LYZL1: variants seen among roughly 807,000 people sequenced by gnomAD.
The protein encoded by LYZL1 is lysozyme like 1.
LYZL1 carries 16 observed loss-of-function variants against 17.9 expected under a neutral mutation model. The observed-to-expected ratio is 0.90, with a 90% CI of 0.61 to 1.36. The LOEUF is 1.36. Among genes scored for constraint, LYZL1 ranks in the 40% most tolerant of loss-of-function variants. LYZL1 has a pLI of 0.00. For synonymous variants in LYZL1, 58 were observed against 71.8 expected (o/e 0.81, Z 0.97); for missense variants, 149 against 188.4 (o/e 0.79, Z 1.22).
intron 2 of LYZL1, 31 bp downstream of exon 2, chr10:29,292,037 G>A: frequency 7.3e-7 from 1 of 1,371,422 alleles, no homozygotes; most frequent in South Asian, 1.2e-5. Context: ...CTCTCCTTCT[G>A]TCCTTGACCT....
chr10:29,306,505 C>T (rs10826608), intron 3 of LYZL1, among the ~76,000 whole-genome samples: 1 of 128,772 alleles, frequency 7.8e-6, no homozygotes, highest in African/African-American at 3.0e-5. Flanking sequence ...AGCCGAGATC[C>T]CGCCACTGCA....
intron 3 of LYZL1, among the ~76,000 whole-genome samples, chr10:29,303,238 A>G (rs1208077033): frequency 6.6e-6 from 1 of 152,008 alleles, no homozygotes; most frequent in Non-Finnish European, 1.5e-5. Flanking sequence ...TCTCCACAAA[A>G]TCTGAGCTGC....
At position 29,304,250 on chromosome 10, in the gene LYZL1, T is replaced by A. The variant is rs540192335; in HGVS notation, c.299-5860T>A. On this transcript the variant is annotated intron_variant, in intron 3 of 4. Coordinates refer to ENST00000649382, the MANE Select transcript of LYZL1 (RefSeq NM_032517.6). ...TACACACAGTGTACAAAATGCCTGA[T>A]GTGATGACAGTATTTACCCCCAACA... 2.0e-5 allele frequency among the ~76,000 whole-genome samples: 3 copies of A among 152,334 alleles called. No homozygotes were observed. In the East Asian group the frequency reaches 5.8e-4, roughly 29 times the overall value.
chr10:29,299,115 G>A (rs117489462), intron 3 of LYZL1, among the ~76,000 whole-genome samples: 6,921 of 152,162 alleles, frequency 0.045, 159 homozygotes, highest in Middle Eastern at 0.12. Context: ...AATAGGGTTC[G>A]CACTCCTATG....
intron 3 of LYZL1, among the ~76,000 whole-genome samples, chr10:29,296,618 A>T (rs1186523026): frequency 6.6e-6 from 1 of 152,188 alleles, no homozygotes. Flanking sequence ...CAGACCACAG[A>T]CATGGGAGAT....
downstream of LYZL1, chr10:29,311,273 A>G (rs1406520871): frequency 9.3e-6 from 13 of 1,394,774 alleles, no homozygotes; most frequent in Admixed American, 5.9e-5. Context: ...TGGTGTTAAG[A>G]CTTGAAAAAT....
chr10:29,291,306 G>T (rs563622112), intron 1 of LYZL1, among the ~76,000 whole-genome samples: 1 of 152,236 alleles, frequency 6.6e-6, no homozygotes, highest in South Asian at 2.1e-4. Context: ...TTTACTATTT[G>T]TTAAGTGGAA....
chr10:29,307,270 C>T (rs76498744), intron 3 of LYZL1, among the ~76,000 whole-genome samples: 7,815 of 152,212 alleles, frequency 0.051, 226 homozygotes, highest in Middle Eastern at 0.12. Context: ...CTTCCATCAG[C>T]GTCTCCCCAT....
chr10:29,299,356 G>A (rs1236159660), intron 3 of LYZL1, among the ~76,000 whole-genome samples: 1 of 151,668 alleles, frequency 6.6e-6, no homozygotes, highest in Non-Finnish European at 1.5e-5. Flanking sequence ...CTTTAATCTT[G>A]TTTTACAGCA....
chr10:29,293,181 G>A (rs1835400931), intron 3 of LYZL1, among the ~76,000 whole-genome samples: 1 of 122,520 alleles, frequency 8.2e-6, no homozygotes, highest in South Asian at 2.7e-4. Context: ...TGCCTAGGCT[G>A]GAATGCAGTG....
At chr10:29,292,336 T>C (rs1835380357) in intron 2 of LYZL1, among the ~76,000 whole-genome samples, 183 bp from the exon 3 acceptor site, 1 of 151,972 alleles carries the variant, frequency 6.6e-6, no homozygotes, top group South Asian at 2.1e-4. Flanking sequence ...CAGCTTCAGG[T>C]GTGCCATCCC....
At chr10:29,290,629 A>G (rs560911762) in intron 1 of LYZL1, among the ~76,000 whole-genome samples, 1 of 152,320 alleles carries the variant, frequency 6.6e-6, no homozygotes, top group South Asian at 2.1e-4. Flanking sequence ...TCACAAGGTC[A>G]GGAGTTTGAA....
chr10:29,317,136 GACACATAGGA>G (rs549183265), intron 3 of LYZL1, among the ~76,000 whole-genome samples: 5 of 152,198 alleles, frequency 3.3e-5, no homozygotes, highest in Admixed American at 2.0e-4. Flanking sequence ...TCTAACACAT[GACACATAGGA>G]ACAGCATAAC....
At chr10:29,289,397 CT>C (rs890467556) in intron 1 of LYZL1, among the ~76,000 whole-genome samples, 167 bp downstream of exon 1, 59 of 148,192 alleles carry the variant, frequency 4.0e-4, no homozygotes, top group African/African-American at 1.5e-3. Context: ...AGCTCTGTAT[CT>C]TTTTTTCTTT....
chr10:29,289,655 G>A (rs1482175627), intron 1 of LYZL1, among the ~76,000 whole-genome samples: 1 of 152,058 alleles, frequency 6.6e-6, no homozygotes, highest in Non-Finnish European at 1.5e-5. Context: ...CTGGCTTCAA[G>A]CAATCTGCTC....
At chr10:29,307,229 C>T (rs1425180743) in intron 3 of LYZL1, among the ~76,000 whole-genome samples, 1 of 152,176 alleles carries the variant, frequency 6.6e-6, no homozygotes, top group African/African-American at 2.4e-5. Context: ...ATCCCCAGTC[C>T]TTCCTCACCT....
At position 29,310,162 on chromosome 10, in the gene LYZL1, T is replaced by G; in HGVS notation, c.351T>G (p.Val117=). ...TDAIICARKI[V]KETQGMNYWQ... is the part of the protein sequence containing the mutation. ...CAATTATCTGTGCCAGGAAAATTGT[T>G]AAAGAGACACAAGGAATGAACTATT... Residue 117 remains valine, a synonymous_variant, in exon 4 of 5, where the codon GTT becomes GTG. Transcript: ENST00000649382. The G allele has an allele frequency of 6.2e-7, 1 of 1,611,502 alleles. No individual in the cohort carries two copies. The highest frequency in any genetic ancestry group is 1.1e-5 in the South Asian group (1 of 90,986).
At chr10:29,290,336 G>A (rs61839221) in intron 1 of LYZL1, among the ~76,000 whole-genome samples, 27,656 of 152,112 alleles carry the variant, frequency 0.18, 2,505 homozygotes, top group Middle Eastern at 0.28. Context: ...TAGGCAGCAG[G>A]AGACAGCTCT....
intron 3 of LYZL1, among the ~76,000 whole-genome samples, chr10:29,294,521 G>A (rs1332068993): frequency 6.6e-6 from 1 of 152,202 alleles, no homozygotes; most frequent in Non-Finnish European, 1.5e-5. Context: ...GCTGCCTCTA[G>A]AGTGTAAGTC....
Sources: allele counts gnomAD v4.1 joint callset (sites outside exome capture counted in the v4.1 genomes callset), GRCh38; gene constraint gnomAD v4.1.1; transcripts MANE v1.5; gene names NCBI Gene and HGNC (gene_info 2026-07-23, HGNC 2026-07-21).